MEPCE: variants seen among roughly 807,000 people sequenced by gnomAD.
The protein encoded by MEPCE is methylphosphate capping enzyme, also known as 7SK snRNA methylphosphate capping enzyme.
A neutral mutation model predicts 52.3 loss-of-function variants in MEPCE; 9 were observed. The observed-to-expected ratio is 0.17, with a 90% CI of 0.10 to 0.30. The LOEUF (loss-of-function observed/expected upper bound fraction) is 0.30, where lower values mean the gene tolerates loss of function less well. Among genes scored for constraint, MEPCE ranks in the 10% least tolerant of loss-of-function variants. The probability of loss-of-function intolerance (pLI) is 1.00; values close to 1 mark genes in which losing one functional copy is unlikely to be tolerated. For missense variants in MEPCE, 826 were observed against 933.0 expected (o/e 0.89, Z 1.49); for synonymous variants, 477 against 401.6 (o/e 1.19, Z -2.25).
At position 100,429,846 on chromosome 7, in the gene MEPCE, C is replaced by A; in HGVS notation, c.-173C>A. 1 of 486,314 alleles carries A rather than the reference C, an allele frequency of 2.1e-6. No homozygotes were observed. Among genetic ancestry groups the A allele is most frequent in the Non-Finnish European group, 3.3e-6 (1 of 307,414 alleles). 30.1% of individuals were successfully genotyped at this position (486,314 alleles called of 1,614,324 possible). ...TCTCGCGGGCCTCTTGTTTTGGTCT[C>A]GCGGGCTAGTAGGGCGCACTTGGCG... On this transcript the variant is annotated 5_prime_UTR_variant, in exon 1 of 4. Transcript: ENST00000310512.
In MEPCE at chr7:100,433,831, C is replaced by G. The variant is rs868479678; in HGVS notation, c.*277C>G. 2.7e-5 allele frequency: 14 copies of G among 515,622 alleles called. No individual in the cohort carries two copies. The highest frequency in any genetic ancestry group is 4.8e-5 in the Non-Finnish European group (14 of 290,354). 31.9% of individuals were successfully genotyped at this position (515,622 alleles called of 1,614,324 possible). A position where few individuals can be genotyped will look rare whatever the true frequency, so the allele number is the denominator to read the frequency against. ...TGGACTGTTTGCTGACCTCTGTTCT[C>G]TTAGGGCATGGGAGGTGGGAGGATA... On this transcript the variant is annotated 3_prime_UTR_variant, in exon 4 of 4. Coordinates refer to ENST00000310512, the MANE Select transcript of MEPCE (RefSeq NM_019606.6).
upstream of MEPCE, chr7:100,429,298 A>G (rs17162309): frequency 4.6e-5 from 7 of 152,240 alleles, no homozygotes; most frequent in East Asian, 1.4e-3. Context: ...AACCCCTAAG[A>G]CGGGGGGCGG....
In MEPCE at chr7:100,433,989, G is replaced by A. The variant is rs1073; in HGVS notation, c.*435G>A. 28,548 of 171,530 alleles carry A rather than the reference G, an allele frequency of 0.17. 2,575 individuals are homozygous for A. Among genetic ancestry groups the A allele is most frequent in the Middle Eastern group, 0.19 (68 of 354 alleles). 10.6% of individuals were successfully genotyped at this position (171,530 alleles called of 1,614,324 possible). A position where few individuals can be genotyped will look rare whatever the true frequency, so the allele number is the denominator to read the frequency against. On this transcript the variant is annotated 3_prime_UTR_variant, in exon 4 of 4. Coordinates refer to ENST00000310512, the MANE Select transcript of MEPCE (RefSeq NM_019606.6). ...GATAGAGGGACTGAGGGTTAGACGG[G>A]GAAGACTGGCAGGGAGGCACGCAGG...
In MEPCE at chr7:100,429,988, T is replaced by C; in HGVS notation, c.-31T>C. 1 of 1,242,688 alleles carries C rather than the reference T, an allele frequency of 8.0e-7. No individual in the cohort carries two copies. The highest frequency in any genetic ancestry group is 1.0e-6 in the Non-Finnish European group (1 of 992,430). The allele number at this position is 1,242,688 out of a possible 1,614,324, so 77.0% of individuals were successfully genotyped here. A position where few individuals can be genotyped will look rare whatever the true frequency, so the allele number is the denominator to read the frequency against. On this transcript the variant is annotated 5_prime_UTR_variant, in exon 1 of 4. Coordinates refer to ENST00000310512, the MANE Select transcript of MEPCE (RefSeq NM_019606.6). The stretch of plus-strand genomic sequence containing the variant: ...GGTTAGGCCCCCTGATCCCCCTCGT[T>C]ACCCCGACTGGCACGGAATAAGGGG...
At position 100,431,290 on chromosome 7, in the gene MEPCE, C is replaced by T. The variant is rs199916162; in HGVS notation, c.1272C>T (p.Tyr424=). The T allele has an allele frequency of 6.2e-6, 10 of 1,614,140 alleles. No homozygotes were observed. The Middle Eastern group carries it at 4.9e-4, about 80-fold the overall frequency. Residue 424 remains tyrosine (Y), a synonymous_variant, in exon 1 of 4, where the codon TAC becomes TAT. Transcript: ENST00000310512. Reference sequence around the variant, plus strand: ...GGAATTATTGCAAATACTATGGGTACCGCAATCCTTCCTGTGAGGATGGGC... The same window carrying T: ...GGAATTATTGCAAATACTATGGGTATCGCAATCCTTCCTGTGAGGATGGGC... The part of the protein sequence containing the change: ...QYGNYCKYYG[Y]RNPSCEDGRL...
At position 100,433,084 on chromosome 7, in the gene MEPCE, C is replaced by G. The variant is rs1380178835; in HGVS notation, c.1837C>G (p.Leu613Val). Reference sequence around the variant, plus strand: ...CCGGCACCTACGCCCTGGGGGCATCCTGGTCCTAGAGCCCCAACCCTGGTC... The same window carrying G: ...CCGGCACCTACGCCCTGGGGGCATCGTGGTCCTAGAGCCCCAACCCTGGTC... Reference protein sequence around the residue: ...IYRHLRPGGILVLEPQPWSSY... With the variant: ...IYRHLRPGGIVVLEPQPWSSY... Residue 613 changes from leucine (L) to valine (V), a missense_variant, in exon 2 of 4, where the codon CTG becomes GTG. Leu to Val is a conservative substitution (Grantham distance 32). Coordinates refer to ENST00000310512, the MANE Select transcript of MEPCE (RefSeq NM_019606.6). The G allele has an allele frequency of 6.2e-7, 1 of 1,614,062 alleles. No homozygotes were observed. The highest frequency in any genetic ancestry group is 1.3e-5 in the African/African-American group (1 of 75,062).
upstream of MEPCE, chr7:100,429,576 A>C: frequency 6.4e-6 from 1 of 156,690 alleles, no homozygotes; most frequent in Non-Finnish European, 1.4e-5. Context: ...CTGCGCAGGG[A>C]AGTAGGGTGT....
In MEPCE at chr7:100,429,962, G is replaced by T. The variant is rs532648772; in HGVS notation, c.-57G>T. ...GAAGGGAGCAGGGTCCAGGCAGGGG[G>T]GGTTAGGCCCCCTGATCCCCCTCGT... is the stretch of plus-strand genomic sequence containing the variant. On this transcript the variant is annotated 5_prime_UTR_variant, in exon 1 of 4. Transcript: ENST00000310512. The T allele has an allele frequency of 1.8e-5, 21 of 1,190,628 alleles. No individual in the cohort carries two copies. The African/African-American group carries it at 3.1e-4, about 18-fold the overall frequency. The allele number at this position is 1,190,628 out of a possible 1,614,324, so 73.8% of individuals were successfully genotyped here. A position where few individuals can be genotyped will look rare whatever the true frequency, so the allele number is the denominator to read the frequency against.
Position 100,431,680 on chromosome 7 carries a change from C to G in MEPCE, c.1662C>G (p.Val554=). The G allele has an allele frequency of 6.3e-7, 1 of 1,590,364 alleles. No individual in the cohort carries two copies. Among genetic ancestry groups the G allele is most frequent in the Non-Finnish European group, 8.5e-7 (1 of 1,173,510 alleles). The change falls in exon 1 of 4, where the codon GTC becomes GTG. Residue 554 remains valine (V), a synonymous_variant. Coordinates refer to ENST00000310512, the MANE Select transcript of MEPCE (RefSeq NM_019606.6). ...CATCAGTCTTCCCCAACAATGTTGT[C>G]TTCGTCACGGTAAGAGGGTCCAGAG... ...ADTSVFPNNV[V]FVTGNYVLDR... is the part of the protein sequence containing the mutation.
In MEPCE at chr7:100,433,549, C is replaced by T. The variant is rs1798786160; in HGVS notation, c.2065C>T (p.His689Tyr). The T allele has an allele frequency of 1.9e-6, 3 of 1,612,540 alleles. No homozygotes were observed. Among genetic ancestry groups the T allele is most frequent in the Non-Finnish European group, 2.5e-6 (3 of 1,180,014 alleles). The change falls in exon 4 of 4, where the codon CAC (histidine) becomes TAC (tyrosine). Residue 689 changes from histidine to tyrosine, a missense_variant. His to Tyr is a moderately conservative substitution (Grantham distance 83, BLOSUM62 2). Transcript: ENST00000310512. ...GTTCCACAAGGCCCGATCCCCCAGC[C>T]ACTAAGTGGCCCCCTAAACAGAAAG... ...YLFHKARSPS[H>Y]
rs1187941643 is a variant in MEPCE at position 100,430,659 on chromosome 7, C to G, written c.641C>G (p.Pro214Arg). Residue 214 changes from proline to arginine, a missense_variant, in exon 1 of 4, where the codon CCT becomes CGT. Physicochemically the swap from Pro to Arg is moderately radical, Grantham distance 103. Coordinates refer to ENST00000310512, the MANE Select transcript of MEPCE (RefSeq NM_019606.6). ...AGCCGCACTCTCAACGCGGAGACCC[C>G]TAAGTCATCCCCCCTTCCGGCCAAA... ...EVSRTLNAET[P>R]KSSPLPAKGR... is the part of the protein sequence containing the mutation. The G allele has an allele frequency of 6.2e-7, 1 of 1,613,838 alleles. No individual in the cohort carries two copies. Among genetic ancestry groups the G allele is most frequent in the East Asian group, 2.2e-5 (1 of 44,878 alleles).
chr7:100,431,931 T>A (rs1317540827), intron 1 of MEPCE, among the ~76,000 whole-genome samples: 1 of 152,146 alleles, frequency 6.6e-6, no homozygotes, highest in Non-Finnish European at 1.5e-5. Flanking sequence ...GAGGACTCTC[T>A]TTTTGCTCTG....
chr7:100,430,257 C>T lies in MEPCE; in HGVS notation c.239C>T (p.Pro80Leu). The change falls in exon 1 of 4, where the codon CCC (proline) becomes CTC (leucine). Residue 80 changes from proline (P) to leucine (L), a missense_variant. Physicochemically the swap from Pro to Leu is moderately conservative, Grantham distance 98 (BLOSUM62 -3). Coordinates refer to ENST00000310512, the MANE Select transcript of MEPCE (RefSeq NM_019606.6). ...PGAAATSSSG[P>L]QAQQHRGGGP... is the part of the protein sequence containing the mutation. ...GCCGCGGCCACCTCCTCCAGTGGTCCCCAGGCGCAGCAGCACCGAGGGGGC... is the reference window on the plus strand; with the variant it reads ...GCCGCGGCCACCTCCTCCAGTGGTCTCCAGGCGCAGCAGCACCGAGGGGGC... 5 of 1,368,272 alleles carry T rather than the reference C, an allele frequency of 3.7e-6. No individual in the cohort carries two copies. The highest frequency in any genetic ancestry group is 4.7e-6 in the Non-Finnish European group (5 of 1,065,972). The allele number at this position is 1,368,272 out of a possible 1,614,324, so 84.8% of individuals were successfully genotyped here. A position where few individuals can be genotyped will look rare whatever the true frequency, so the allele number is the denominator to read the frequency against.
chr7:100,432,740 G>C (rs1209135646), intron 1 of MEPCE, among the ~76,000 whole-genome samples, 179 bp from the exon 2 acceptor site: 1 of 152,204 alleles, frequency 6.6e-6, no homozygotes, highest in Non-Finnish European at 1.5e-5. Flanking sequence ...GAGGCAGGAA[G>C]GTGTAGAGGA....
intron 1 of MEPCE, among the ~76,000 whole-genome samples, chr7:100,432,003 A>T (rs897408558): frequency 1.3e-5 from 2 of 152,158 alleles, no homozygotes; most frequent in African/African-American, 4.8e-5. Context: ...GCTGCTGCTC[A>T]CTAGGGAATT....
chr7:100,431,308 G>T lies in MEPCE; in HGVS notation c.1290G>T (p.Glu430Asp). The change falls in exon 1 of 4, where the codon GAG becomes GAT. Residue 430 changes from glutamate to aspartate, a missense_variant. Physicochemically the swap from Glu to Asp is conservative, Grantham distance 45. Around this residue, in one of 7 missense-constraint regions of MEPCE, gnomAD observed 307 missense variants for 292.1 expected, o/e 1.05. Transcript: ENST00000310512. ...ATGGGTACCGCAATCCTTCCTGTGA[G>T]GATGGGCGCCTTCGGGTGTTGAAGC... ...KYYGYRNPSC[E>D]DGRLRVLKPE... is the part of the protein sequence containing the mutation. 1 of 1,614,208 alleles carries T rather than the reference G, an allele frequency of 6.2e-7. No homozygotes were observed. Among genetic ancestry groups the T allele is most frequent in the Non-Finnish European group, 8.5e-7 (1 of 1,180,046 alleles).
rs1584324312 is a variant in MEPCE, at chr7:100,431,248, G to A, written c.1230G>A (p.Gln410=). The A allele has an allele frequency of 1.9e-6, 3 of 1,614,104 alleles. No individual in the cohort carries two copies. The highest frequency in any genetic ancestry group is 1.7e-6 in the Non-Finnish European group (2 of 1,180,026). The stretch of plus-strand genomic sequence containing the variant: ...CTGCAGCAGGCTTCAAAAAGCAACA[G>A]CGCAAGTTCCAGTATGGGAATTATT... The part of the protein sequence containing the change: ...PLPAAGFKKQ[Q]RKFQYGNYCK... The change falls in exon 1 of 4, where the codon CAG becomes CAA. Residue 410 remains glutamine, a synonymous_variant. Transcript: ENST00000310512.
In MEPCE at chr7:100,431,376, A is replaced by G. The variant is rs376696845; in HGVS notation, c.1358A>G (p.Asn453Ser). Residue 453 changes from asparagine (N) to serine (S), a missense_variant, in exon 1 of 4, where the codon AAT (asparagine) becomes AGT (serine). By Grantham distance (46) the Asn-to-Ser change is conservative. This residue lies in a region of MEPCE where 9 missense variants were observed against 37.6 expected (regional missense o/e 0.24). Coordinates refer to ENST00000310512, the MANE Select transcript of MEPCE (RefSeq NM_019606.6). ...CGGGACGTCCTAGATCTGGGCTGCA[A>G]TGTGGGCCATCTGACCCTGAGCATT... ...RGRDVLDLGC[N>S]VGHLTLSIAC... 64 of 1,614,024 alleles carry G rather than the reference A, an allele frequency of 4.0e-5. No homozygotes were observed. The highest frequency in any genetic ancestry group is 1.8e-4 in the Admixed American group (11 of 60,008).
chr7:100,429,674 G>A, upstream of MEPCE: 1 of 240,550 alleles, frequency 4.2e-6, no homozygotes, highest in African/African-American at 2.2e-5. Flanking sequence ...AGTCTGATGC[G>A]CGCGCAACCA....
Sources: gnomAD v4.1 joint callset for allele counts (sites outside exome capture counted in the v4.1 genomes callset) on GRCh38, gnomAD v4.1.1 for gene constraint, gnomAD v4.1.1 regional missense constraint, MANE v1.5 for transcripts, NCBI Gene and HGNC (gene_info 2026-07-23, HGNC 2026-07-21) for gene names.